Variants in GSK3B observed in about 807,000 individuals in gnomAD.
GSK3B encodes glycogen synthase kinase-3 beta.
Under a neutral mutation model 56.4 loss-of-function variants are expected in GSK3B, and 15 were observed. The ratio of observed to expected loss-of-function variants is 0.27; its 90% CI spans 0.18 to 0.41. GSK3B has a LOEUF of 0.41. Among genes scored for constraint, GSK3B ranks in the 10% least tolerant of loss-of-function variants. The pLI, the probability that GSK3B is intolerant of heterozygous loss-of-function variation, is 1.00. For synonymous variants in GSK3B, 181 were observed against 188.9 expected, an observed-to-expected ratio of 0.96 and a Z score of 0.34; for missense variants, 300 against 513.4, an observed-to-expected ratio of 0.58 and a Z score of 4.02.
chr3:119,982,291 A>T (rs947131644), intron 2 of GSK3B, among the ~76,000 whole-genome samples: 1 of 152,206 alleles, frequency 6.6e-6, no homozygotes, highest in African/African-American at 2.4e-5. Flanking sequence ...TTCTAAAATC[A>T]GAGCACCTCT....
At chr3:120,010,520 C>T (rs1466677028) in intron 1 of GSK3B, among the ~76,000 whole-genome samples, 2 of 152,008 alleles carry the variant, frequency 1.3e-5, no homozygotes, top group African/African-American at 4.8e-5. Context: ...CTGACTCTTC[C>T]CTATGTTATC....
rs1010331108 is a variant in GSK3B, at chr3:119,909,176, G to A, written c.716-3324C>T. Among the ~76,000 whole-genome samples the A allele has an allele frequency of 8.6e-5, 13 of 152,012 alleles. No homozygotes were observed. The East Asian group carries it at 1.2e-3, about 14-fold the overall frequency. ...GGGGACTACAGGGGCATGTCACCACGCCCGGCTAATTTTTGGTAGTGACAG... is the reference window on the plus strand; with the variant it reads ...GGGGACTACAGGGGCATGTCACCACACCCGGCTAATTTTTGGTAGTGACAG... On this transcript the variant is annotated intron_variant, in intron 6 of 10. Coordinates refer to ENST00000264235, the MANE Select transcript of GSK3B (RefSeq NM_001146156.2).
chr3:119,932,647 C>T (rs941424194), intron 3 of GSK3B, among the ~76,000 whole-genome samples: 7 of 150,876 alleles, frequency 4.6e-5, no homozygotes, highest in Non-Finnish European at 7.4e-5. Context: ...TCTATACTAC[C>T]TTAAGAAAAA....
At chr3:119,923,908 T>C (rs928193743) in intron 3 of GSK3B, among the ~76,000 whole-genome samples, 4 of 152,166 alleles carry the variant, frequency 2.6e-5, no homozygotes, top group African/African-American at 9.7e-5. Flanking sequence ...GCTCTGCTAG[T>C]TGGTGTGTGC....
intron 7 of GSK3B, among the ~76,000 whole-genome samples, chr3:119,903,046 C>T (rs2056640941): frequency 6.6e-6 from 1 of 152,162 alleles, no homozygotes. Context: ...ACATTAAACA[C>T]ACACACACAA....
chr3:120,048,017 A>G (rs1050136186), intron 1 of GSK3B, among the ~76,000 whole-genome samples: 1 of 152,214 alleles, frequency 6.6e-6, no homozygotes, highest in East Asian at 1.9e-4. Flanking sequence ...TGATTACCAC[A>G]ATTGTTAATA....
In GSK3B at chr3:119,919,699, G is replaced by A. The variant is rs73854739; in HGVS notation, c.478-3525C>T. On this transcript the variant is annotated intron_variant, in intron 4 of 10. Transcript: ENST00000264235. ...TCAACTATTTGCTGGCAAAAATACC[G>A]TAAGTGCACAGGGTTGTTCACTATA... Among the ~76,000 whole-genome samples, 975 of 151,970 alleles carry A rather than the reference G, an allele frequency of 6.4e-3. 12 individuals are homozygous for A. Among genetic ancestry groups the A allele is most frequent in the African/African-American group, 0.02 (831 of 41,452 alleles).
intron 3 of GSK3B, among the ~76,000 whole-genome samples, chr3:119,927,177 A>G (rs1387169090): frequency 1.3e-5 from 2 of 152,242 alleles, no homozygotes; most frequent in African/African-American, 4.8e-5. Context: ...TTCACAATGT[A>G]TACACATATA....
rs551083685 is a variant in GSK3B at position 119,935,370 on chromosome 3, C to G, written c.367-11887G>C. On this transcript the variant is annotated intron_variant, in intron 3 of 10. Coordinates refer to ENST00000264235, the MANE Select transcript of GSK3B (RefSeq NM_001146156.2). ...GAGGGGAGAATTGCATATTGTCAAC[C>G]TGATCAAGGTACCATTTCTGTAATT... is the stretch of plus-strand genomic sequence containing the variant. 3.4e-3 allele frequency among the ~76,000 whole-genome samples: 518 copies of G among 152,154 alleles called. 1 individual carries two copies. Among genetic ancestry groups the G allele is most frequent in the Non-Finnish European group, 5.9e-3 (402 of 67,980 alleles).
At chr3:120,009,347 G>T (rs921352228) in intron 1 of GSK3B, among the ~76,000 whole-genome samples, 3 of 152,080 alleles carry the variant, frequency 2.0e-5, no homozygotes, top group African/African-American at 7.2e-5. Context: ...TATACCCAAA[G>T]GATTATAAAT....
intron 3 of GSK3B, among the ~76,000 whole-genome samples, chr3:119,931,248 C>T (rs924277013): frequency 6.6e-6 from 1 of 152,192 alleles, no homozygotes; most frequent in African/African-American, 2.4e-5. Flanking sequence ...CTCAGGTTTG[C>T]TATTTCCTTA....
chr3:120,037,916 T>G (rs2058035722), intron 1 of GSK3B, among the ~76,000 whole-genome samples: 1 of 152,142 alleles, frequency 6.6e-6, no homozygotes, highest in Admixed American at 6.5e-5. Flanking sequence ...GAGAATAAAA[T>G]AAGAGGAACT....
intron 1 of GSK3B, chr3:120,028,875 T>C (rs1246112868): frequency 1.7e-5 from 8 of 475,786 alleles, no homozygotes; most frequent in Non-Finnish European, 2.8e-5. Context: ...GTTTGGCTTC[T>C]TCGCAAAAAT....
rs139756929 is a variant in GSK3B, at chr3:120,093,249, T to C, written c.88+98A>G. On this transcript the variant is annotated intron_variant, in intron 1 of 10. Coordinates refer to ENST00000264235, the MANE Select transcript of GSK3B (RefSeq NM_001146156.2). ...AGGTTTTGCCCTTTTCCATTGCCTG[T>C]TTATCAGGAGGTCTAATAATTTCAG... 1.5e-4 allele frequency: 121 copies of C among 821,104 alleles called. No homozygotes were observed. The African/African-American group carries it at 1.7e-3, about 12-fold the overall frequency. The allele number at this position is 821,104 out of a possible 1,614,324, so 50.9% of individuals were successfully genotyped here. A position where few individuals can be genotyped will look rare whatever the true frequency, so the allele number is the denominator to read the frequency against.
intron 2 of GSK3B, among the ~76,000 whole-genome samples, chr3:119,984,376 T>C (rs895966401): frequency 2.9e-4 from 37 of 129,436 alleles, no homozygotes; most frequent in African/African-American, 1.1e-3. Context: ...CTGAAGGAGA[T>C]AGAGACACAG....
At chr3:119,852,085 A>C (rs139718758) in intron 9 of GSK3B, among the ~76,000 whole-genome samples, 2 of 152,176 alleles carry the variant, frequency 1.3e-5, no homozygotes, top group Non-Finnish European at 2.9e-5. Context: ...TAATTAGAAA[A>C]TCAGACAAAT....
intron 4 of GSK3B, among the ~76,000 whole-genome samples, chr3:119,917,578 C>T (rs2056793817): frequency 6.6e-6 from 1 of 150,736 alleles, no homozygotes; most frequent in African/African-American, 2.4e-5. Flanking sequence ...AGTTCATAGG[C>T]ATAAATTTAC....
chr3:119,988,189 T>A (rs1165117481), intron 2 of GSK3B, among the ~76,000 whole-genome samples: 5 of 152,210 alleles, frequency 3.3e-5, no homozygotes, highest in Non-Finnish European at 7.3e-5. Flanking sequence ...ATATTGAGCA[T>A]GACAGGAATT....
chr3:120,045,834 G>A (rs773753122), intron 1 of GSK3B, among the ~76,000 whole-genome samples: 7 of 152,172 alleles, frequency 4.6e-5, no homozygotes, highest in Non-Finnish European at 1.0e-4. Context: ...CAACCAAGAT[G>A]TCTTTCAATA....
Sources: gnomAD v4.1 joint callset for allele counts (sites outside exome capture counted in the v4.1 genomes callset) on GRCh38, gnomAD v4.1.1 for gene constraint, MANE v1.5 for transcripts, NCBI Gene and HGNC (gene_info 2026-07-23, HGNC 2026-07-21) for gene names.